Variants in ZMYM2 observed in about 807,000 individuals in gnomAD.
The protein encoded by ZMYM2 is zinc finger MYM-type containing 2, also known as zinc finger MYM-type protein 2.
A neutral mutation model predicts 162.8 loss-of-function variants in ZMYM2; 56 were observed. The ratio of observed to expected loss-of-function variants is 0.34; its 90% confidence interval spans 0.28 to 0.43. The LOEUF (loss-of-function observed/expected upper bound fraction) is 0.43. ZMYM2 is among the 20% of genes least tolerant of loss of function. The pLI, the probability that ZMYM2 is intolerant of heterozygous loss-of-function variation, is 1.00. For missense variants in ZMYM2, 1,275 were observed against 1,621.8 expected (o/e 0.79, Z 3.67); for synonymous variants, 510 against 541.6 (o/e 0.94, Z 0.81).
At chr13:20,030,266 T>C (rs925428920) in intron 9 of ZMYM2, among the ~76,000 whole-genome samples, 1 of 151,496 alleles carries the variant, frequency 6.6e-6, no homozygotes, top group South Asian at 2.1e-4. Context: ...AGTCTCGCTC[T>C]GTCACCCAGG....
intron 21 of ZMYM2, among the ~76,000 whole-genome samples, chr13:20,074,237 T>TGTGTGTGTTTGTGTGTGTGA (rs1491090474): frequency 1.6e-5 from 2 of 127,464 alleles, no homozygotes; most frequent in African/African-American, 5.3e-5. Flanking sequence ...TGTGTGTGTG[T>TGTGTGTGTTTGTGTGTGTGA]GAGAGAGACA....
intron 7 of ZMYM2, among the ~76,000 whole-genome samples, chr13:20,022,133 G>T (rs1952166727): frequency 6.6e-6 from 1 of 152,138 alleles, no homozygotes; most frequent in African/African-American, 2.4e-5. Context: ...TTTTTTGTGT[G>T]TGTGTCTAAT....
At chr13:20,066,689 G>A (rs1956704800) in intron 19 of ZMYM2, 162 bp from the exon 20 acceptor site, 1 of 557,594 alleles carries the variant, frequency 1.8e-6, no homozygotes, top group Non-Finnish European at 2.8e-6. Context: ...TGGAGAGGCA[G>A]GCACACAGAA....
upstream of ZMYM2, chr13:19,958,583 C>T (rs893981910): frequency 2.6e-5 from 4 of 151,846 alleles, no homozygotes; most frequent in African/African-American, 9.7e-5. Context: ...TTCGGACCAC[C>T]CTACCGAGGG....
intron 2 of ZMYM2, among the ~76,000 whole-genome samples, chr13:19,962,831 T>TG (rs1955394798): frequency 6.8e-6 from 1 of 146,860 alleles, no homozygotes; most frequent in Non-Finnish European, 1.5e-5. Context: ...GCCATTTTTT[T>TG]TTTTTTTTTT....
In ZMYM2 at chr13:20,089,094, G is replaced by C. The variant is rs1463571213; in HGVS notation, c.*3080G>C. ...AAGTGTACATGAAAATATTTTTAAA[G>C]AATAAATTTCTTTAAATTACATACT... On this transcript the variant is annotated 3_prime_UTR_variant, in exon 25 of 25. Coordinates refer to ENST00000610343, the MANE Select transcript of ZMYM2 (RefSeq NM_197968.4). 1 of 198,748 alleles carries C rather than the reference G, an allele frequency of 5.0e-6. No homozygotes were observed. Among genetic ancestry groups the C allele is most frequent in the African/African-American group, 2.3e-5 (1 of 43,430 alleles). The allele number at this position is 198,748 out of a possible 1,614,324, so 12.3% of individuals were successfully genotyped here.
At chr13:19,897,456 T>C in the ZMYM2 span, among the ~76,000 whole-genome samples, 6 of 152,018 alleles carry the variant, frequency 3.9e-5, no homozygotes, top group Admixed American at 1.3e-4. Flanking sequence ...CCCTCGTGCC[T>C]GCTGGGCCCC....
intron 3 of ZMYM2, among the ~76,000 whole-genome samples, chr13:19,995,524 G>A (rs942787310): frequency 9.9e-5 from 15 of 151,914 alleles, no homozygotes; most frequent in African/African-American, 3.6e-4. Context: ...AATTATAAAT[G>A]TGTGCCACCA....
chr13:20,036,363 CCT>C (rs1953705518), intron 11 of ZMYM2, among the ~76,000 whole-genome samples: 1 of 151,866 alleles, frequency 6.6e-6, no homozygotes, highest in Admixed American at 6.6e-5. Context: ...TTACTCAGAG[CCT>C]CTCAGTAGTC....
At chr13:19,919,798 C>T in the ZMYM2 span, among the ~76,000 whole-genome samples, 1 of 151,912 alleles carries the variant, frequency 6.6e-6, no homozygotes, top group Non-Finnish European at 1.5e-5. Context: ...CTGCCTCAGC[C>T]TCCTGAGTAG....
intron 14 of ZMYM2, among the ~76,000 whole-genome samples, chr13:20,055,161 G>C (rs1441744487): frequency 6.6e-6 from 1 of 152,124 alleles, no homozygotes; most frequent in African/African-American, 2.4e-5. Flanking sequence ...GGCATTGGTG[G>C]ATGGTGGTGG....
the ZMYM2 span, among the ~76,000 whole-genome samples, chr13:19,912,292 G>GTTTTTTTTTTTTTTTTTTTTTTGGT: frequency 6.6e-5 from 5 of 75,674 alleles, no homozygotes; most frequent in East Asian, 4.7e-4. Context: ...TGTTTTTTGG[G>GTTTTTTTTTTTTTTTTTTTTTTGGT]TTTTTTTTTT....
At chr13:19,876,450 G>A in the ZMYM2 span, among the ~76,000 whole-genome samples, 1 of 152,002 alleles carries the variant, frequency 6.6e-6, no homozygotes, top group Non-Finnish European at 1.5e-5. Flanking sequence ...AACCTCCTGA[G>A]TAGCTGCGAC....
chr13:20,050,381 A>T lies in ZMYM2; in HGVS notation c.2293-1052A>T, dbSNP rs114096144. The stretch of plus-strand genomic sequence containing the variant: ...TACAACGTGAGAAATTTCAAAATCC[A>T]CAGTGTAAAACTCTAGATTAGAGTA... On this transcript the variant is annotated intron_variant, in intron 12 of 24. Coordinates refer to ENST00000610343, the MANE Select transcript of ZMYM2 (RefSeq NM_197968.4). 6.5e-3 allele frequency among the ~76,000 whole-genome samples: 986 copies of T among 152,148 alleles called. 17 individuals carry two copies. The highest frequency in any genetic ancestry group is 0.023 in the African/African-American group (949 of 41,554).
intron 21 of ZMYM2, among the ~76,000 whole-genome samples, chr13:20,074,231 T>TGA (rs1340541576): frequency 7.0e-6 from 1 of 141,850 alleles, no homozygotes; most frequent in Non-Finnish European, 1.5e-5. Flanking sequence ...TGTGTGTGTG[T>TGA]GTGTGTGAGA....
chr13:19,884,310 C>T, the ZMYM2 span, among the ~76,000 whole-genome samples: 2 of 152,102 alleles, frequency 1.3e-5, no homozygotes, highest in African/African-American at 4.8e-5. Flanking sequence ...GCTGTGGCTG[C>T]CGCTTGTTAT....
intron 21 of ZMYM2, among the ~76,000 whole-genome samples, chr13:20,075,680 T>TG (rs1283385196): frequency 6.2e-4 from 4 of 6,462 alleles, no homozygotes; most frequent in Admixed American, 6.3e-3. Context: ...CTTTTTTTTT[T>TG]TTTTTTTTTT....
chr13:19,925,041 C>T, the ZMYM2 span, among the ~76,000 whole-genome samples: 2 of 152,060 alleles, frequency 1.3e-5, no homozygotes, highest in African/African-American at 4.8e-5. Context: ...TGTGCCACCA[C>T]ACCAGGCTAA....
intron 2 of ZMYM2, among the ~76,000 whole-genome samples, chr13:19,974,627 A>G (rs1310495428): frequency 6.6e-6 from 1 of 151,504 alleles, no homozygotes; most frequent in Non-Finnish European, 1.5e-5. Context: ...ACCCGCCACC[A>G]CACCCGGCTG....
Sources: gnomAD v4.1 joint callset for allele counts (sites outside exome capture counted in the v4.1 genomes callset) on GRCh38, gnomAD v4.1.1 for gene constraint, MANE v1.5 for transcripts, NCBI Gene and HGNC (gene_info 2026-07-23, HGNC 2026-07-21) for gene names.